YEATS4: variants seen among roughly 807,000 people sequenced by gnomAD.
YEATS4 encodes YEATS domain containing 4, also known as YEATS domain-containing protein 4.
In YEATS4, 17 loss-of-function variants were observed where a neutral mutation model predicts 30.1. The observed-to-expected ratio is 0.56, with a 90% CI of 0.39 to 0.85. The LOEUF is 0.85. Among genes scored for constraint, YEATS4 ranks in the 40% least tolerant of loss-of-function variants. The pLI is 0.00. For missense variants in YEATS4, 142 were observed against 268.3 expected (o/e 0.53, Z 3.29); for synonymous variants, 85 against 87.5 (o/e 0.97, Z 0.16).
At chr12:69,366,482 C>G (rs1253292250) in intron 4 of YEATS4, among the ~76,000 whole-genome samples, 1 of 152,172 alleles carries the variant, frequency 6.6e-6, no homozygotes, top group Non-Finnish European at 1.5e-5. Context: ...GCTCAGAGGT[C>G]AAGTCACTGC....
At chr12:69,366,885 TATTA>T (rs1273937434) in intron 4 of YEATS4, among the ~76,000 whole-genome samples, 5 of 152,208 alleles carry the variant, frequency 3.3e-5, no homozygotes, top group Non-Finnish European at 5.9e-5. Context: ...CTTATTTATT[TATTA>T]ATTTTTGTGA....
At chr12:69,379,732 C>A (rs1009525984) in intron 6 of YEATS4, among the ~76,000 whole-genome samples, 5 of 151,480 alleles carry the variant, frequency 3.3e-5, no homozygotes, top group Admixed American at 6.6e-5. Context: ...TGAGCTGCTG[C>A]ACCTGGCCTG....
chr12:69,374,154 A>G (rs1222492555), intron 6 of YEATS4, among the ~76,000 whole-genome samples: 3 of 133,474 alleles, frequency 2.2e-5, no homozygotes, highest in Non-Finnish European at 3.3e-5. Flanking sequence ...TTTTTTTTCT[A>G]TTTCTGTGAA....
chr12:69,393,725 G>A (rs908220643), downstream of YEATS4, among the ~76,000 whole-genome samples: 1 of 152,142 alleles, frequency 6.6e-6, no homozygotes, highest in South Asian at 2.1e-4. Context: ...AGGGGGAGTA[G>A]AAATACAGAT....
At chr12:69,372,696 G>C (rs1875694280) in intron 6 of YEATS4, among the ~76,000 whole-genome samples, 2 of 151,708 alleles carry the variant, frequency 1.3e-5, no homozygotes, top group Admixed American at 6.6e-5. Context: ...CACCACACCT[G>C]GCTAATTTTT....
chr12:69,416,742 CAAT>C, the YEATS4 span, among the ~76,000 whole-genome samples: 1 of 152,156 alleles, frequency 6.6e-6, no homozygotes. Context: ...TTAATTTTAA[CAAT>C]AAGAATTTTA....
At chr12:69,383,608 A>G (rs1876163625) in intron 6 of YEATS4, among the ~76,000 whole-genome samples, 2 of 152,214 alleles carry the variant, frequency 1.3e-5, no homozygotes, top group African/African-American at 2.4e-5. Context: ...AAAAAAGTGT[A>G]TCAGGAACTA....
At chr12:69,421,270 G>A in the YEATS4 span, among the ~76,000 whole-genome samples, 2 of 152,206 alleles carry the variant, frequency 1.3e-5, no homozygotes, top group Middle Eastern at 6.8e-3. Context: ...AAAAAAGATA[G>A]ATATTAAGAA....
chr12:69,410,595 T>C, the YEATS4 span, among the ~76,000 whole-genome samples: 3 of 152,206 alleles, frequency 2.0e-5, no homozygotes, highest in African/African-American at 7.2e-5. Flanking sequence ...AAATAACCAC[T>C]TTATTTTTAG....
chr12:69,404,180 T>C, the YEATS4 span, among the ~76,000 whole-genome samples: 1 of 152,196 alleles, frequency 6.6e-6, no homozygotes, highest in African/African-American at 2.4e-5. Context: ...TCCTAAATGA[T>C]ATATTTGGGT....
the YEATS4 span, among the ~76,000 whole-genome samples, chr12:69,409,444 C>A: frequency 3.3e-5 from 5 of 151,956 alleles, no homozygotes; most frequent in African/African-American, 1.2e-4. Flanking sequence ...TGACGAAACC[C>A]CGCCTCTACC....
intron 6 of YEATS4, among the ~76,000 whole-genome samples, chr12:69,388,338 A>T (rs1868277894): frequency 6.6e-6 from 1 of 152,246 alleles, no homozygotes. Context: ...CCTCTGAGAA[A>T]TACCTAGTTT....
chr12:69,385,465 A>G (rs1876238434), intron 6 of YEATS4, among the ~76,000 whole-genome samples: 2 of 152,182 alleles, frequency 1.3e-5, no homozygotes, highest in African/African-American at 4.8e-5. Context: ...TTCAGTGCTT[A>G]CTATTTGTAT....
At chr12:69,411,487 T>C in the YEATS4 span, among the ~76,000 whole-genome samples, 1 of 152,118 alleles carries the variant, frequency 6.6e-6, no homozygotes, top group Non-Finnish European at 1.5e-5. Context: ...GTCCCTACCA[T>C]TGTAGTGCTA....
the YEATS4 span, among the ~76,000 whole-genome samples, chr12:69,408,068 A>G: frequency 1.5e-3 from 221 of 152,306 alleles, 1 homozygote; most frequent in African/African-American, 5.0e-3. Context: ...ACGGATTGTT[A>G]TGTTAACCAC....
intron 4 of YEATS4, among the ~76,000 whole-genome samples, chr12:69,367,145 A>G (rs1241288173): frequency 1.3e-5 from 2 of 152,260 alleles, no homozygotes; most frequent in Non-Finnish European, 2.9e-5. Flanking sequence ...AAAACATCCT[A>G]TTCAAGGTTG....
downstream of YEATS4, among the ~76,000 whole-genome samples, chr12:69,395,768 G>A (rs1357933569): frequency 2.0e-5 from 3 of 152,122 alleles, no homozygotes; most frequent in Non-Finnish European, 2.9e-5. Context: ...ATGATGTAAG[G>A]GACCAGGGCC....
chr12:69,406,821 CTTTCTTTTTT>C, the YEATS4 span, among the ~76,000 whole-genome samples: 426 of 151,324 alleles, frequency 2.8e-3, 1 homozygote, highest in African/African-American at 9.8e-3. Flanking sequence ...TTTTTCTTTT[CTTTCTTTTTT>C]TGAGACAGGG....
At chr12:69,370,348 C>A (rs957796099) in intron 4 of YEATS4, among the ~76,000 whole-genome samples, 2 of 152,210 alleles carry the variant, frequency 1.3e-5, no homozygotes, top group Non-Finnish European at 2.9e-5. Context: ...CTCTAATCTT[C>A]AAAGCAGTCA....
Sources: allele counts gnomAD v4.1 joint callset (sites outside exome capture counted in the v4.1 genomes callset), GRCh38; gene constraint gnomAD v4.1.1; transcripts MANE v1.5; gene names NCBI Gene and HGNC (gene_info 2026-07-23, HGNC 2026-07-21).